Variants in ECPAS observed in about 807,000 individuals in gnomAD.
ECPAS encodes the protein proteasome adapter and scaffold protein ECM29.
ECPAS carries 70 observed loss-of-function variants against 255.1 expected under a neutral mutation model. That is an observed-to-expected ratio of 0.27 (90% CI 0.23 to 0.33). ECPAS has a LOEUF of 0.33. ECPAS is among the 10% of genes least tolerant of loss of function. ECPAS has a pLI of 1.00. For synonymous variants in ECPAS, 784 were observed against 775.0 expected (o/e 1.01, Z -0.19); for missense variants, 1,817 against 2,206.4 (o/e 0.82, Z 3.54).
chr9:111,433,348 T>C lies in ECPAS; in HGVS notation c.733A>G (p.Ile245Val), dbSNP rs764572554. 2.5e-5 allele frequency: 40 copies of C among 1,613,848 alleles called. No individual in the cohort carries two copies. Among genetic ancestry groups the C allele is most frequent in the Non-Finnish European group, 3.4e-5 (40 of 1,179,868 alleles). The change falls in exon 8 of 50, where the codon ATA (isoleucine) becomes GTA (valine). Residue 245 changes from isoleucine (I) to valine (V), a missense_variant. Ile to Val is a conservative substitution (Grantham distance 29). Around this residue, in one of 4 missense-constraint regions of ECPAS, gnomAD observed 573 missense variants for 716.2 expected, o/e 0.80. Coordinates refer to ENST00000684092, the MANE Select transcript of ECPAS (RefSeq NM_001364929.1). ...EQCKLGIVKF[I>V]EAEQVPELEA... ...AGTTCAGGCACCTGTTCAGCTTCTA[T>C]GAATTTCACGATTCCCAATTTGCAC...
At chr9:111,388,284 A>T (rs2131596437) in intron 31 of ECPAS, among the ~76,000 whole-genome samples, 1 of 150,940 alleles carries the variant, frequency 6.6e-6, no homozygotes, top group Non-Finnish European at 1.5e-5. Flanking sequence ...TTTCACTTAT[A>T]GAGATGACAC....
chr9:111,382,022 C>T (rs1183512110), intron 35 of ECPAS, among the ~76,000 whole-genome samples: 1 of 151,870 alleles, frequency 6.6e-6, no homozygotes, highest in Admixed American at 6.6e-5. Flanking sequence ...CACACACACA[C>T]ACACACACAC....
intron 32 of ECPAS, among the ~76,000 whole-genome samples, chr9:111,385,863 T>G (rs1222848623): frequency 1.3e-5 from 2 of 152,246 alleles, no homozygotes; most frequent in East Asian, 3.8e-4. Flanking sequence ...TTACATAAAC[T>G]ATGACAATTT....
At chr9:111,443,816 A>T (rs1589209264) in intron 4 of ECPAS, among the ~76,000 whole-genome samples, 1 of 152,152 alleles carries the variant, frequency 6.6e-6, no homozygotes, top group African/African-American at 2.4e-5. Context: ...AAAAAACATC[A>T]CCTGCCATCA....
At chr9:111,408,951 T>A (rs548257182) in intron 23 of ECPAS, among the ~76,000 whole-genome samples, 1 of 152,190 alleles carries the variant, frequency 6.6e-6, no homozygotes, top group Non-Finnish European at 1.5e-5. Context: ...ATTTAAAATG[T>A]GGGTTCTGGG....
At chr9:111,458,746 G>A (rs368351540) in intron 2 of ECPAS, among the ~76,000 whole-genome samples, 8 of 152,052 alleles carry the variant, frequency 5.3e-5, no homozygotes, top group Admixed American at 2.0e-4. Flanking sequence ...CAGGTGAGCC[G>A]GTGAGCTTCT....
chr9:111,383,515 A>T (rs916631573), intron 34 of ECPAS, among the ~76,000 whole-genome samples, 183 bp from the exon 35 acceptor site: 1 of 152,226 alleles, frequency 6.6e-6, no homozygotes, highest in Non-Finnish European at 1.5e-5. Context: ...CCAAGAACTA[A>T]ACAGAAAATT....
At chr9:111,422,348 G>A in intron 13 of ECPAS, 148 bp from the exon 14 acceptor site, 1 of 699,898 alleles carries the variant, frequency 1.4e-6, no homozygotes, top group South Asian at 1.9e-5. Flanking sequence ...ATTTTTCCAA[G>A]TATTTAATTC....
intron 48 of ECPAS, among the ~76,000 whole-genome samples, 159 bp from the exon 49 acceptor site, chr9:111,363,818 T>A (rs1361551420): frequency 6.6e-6 from 1 of 152,002 alleles, no homozygotes; most frequent in Admixed American, 6.6e-5. Flanking sequence ...TTGCTAAGTA[T>A]CAAATACTTG....
intron 23 of ECPAS, 60 bp downstream of exon 23, chr9:111,409,981 G>T: frequency 8.3e-7 from 1 of 1,208,802 alleles, no homozygotes; most frequent in Non-Finnish European, 1.2e-6. Context: ...ATCTGTTTTT[G>T]CTCATGTATG....
chr9:111,393,773 A>G (rs1187602836), intron 26 of ECPAS, 39 bp from the exon 27 acceptor site: 1 of 1,349,714 alleles, frequency 7.4e-7, no homozygotes, highest in East Asian at 2.3e-5. Context: ...CTGAAACTCT[A>G]CCTCTTTGAG....
chr9:111,460,511 G>A (rs1036349850), intron 2 of ECPAS, among the ~76,000 whole-genome samples: 4 of 151,872 alleles, frequency 2.6e-5, no homozygotes, highest in African/African-American at 7.3e-5. Flanking sequence ...AAAATAAAAT[G>A]CATTAAGATT....
At chr9:111,396,995 G>T (rs1254054028) in intron 25 of ECPAS, 35 bp downstream of exon 25, 1 of 1,612,930 alleles carries the variant, frequency 6.2e-7, no homozygotes, top group South Asian at 1.1e-5. Context: ...AAGGTTACTT[G>T]ATCATTATAA....
chr9:111,393,423 A>C (rs937009183), intron 27 of ECPAS, among the ~76,000 whole-genome samples: 1 of 152,238 alleles, frequency 6.6e-6, no homozygotes, highest in African/African-American at 2.4e-5. Flanking sequence ...GCTCCATTTT[A>C]AAATGCAGAG....
chr9:111,441,854 A>G (rs2098246434), intron 5 of ECPAS, among the ~76,000 whole-genome samples: 1 of 152,218 alleles, frequency 6.6e-6, no homozygotes. Flanking sequence ...TAGAACAAAG[A>G]ACTTTTGCCT....
At chr9:111,441,200 A>T (rs187548695) in intron 5 of ECPAS, among the ~76,000 whole-genome samples, 69 of 145,198 alleles carry the variant, frequency 4.8e-4, no homozygotes, top group African/African-American at 1.3e-3. Flanking sequence ...AATAAAAATT[A>T]AAAAAAAAAA....
At chr9:111,392,906 G>C in intron 27 of ECPAS, 24 bp from the exon 28 acceptor site, 1 of 1,543,852 alleles carries the variant, frequency 6.5e-7, no homozygotes, top group Non-Finnish European at 8.8e-7. Context: ...AGACAAGATT[G>C]TATCACTTTA....
chr9:111,412,115 C>A lies in ECPAS; in HGVS notation c.2113G>T (p.Glu705Ter). The A allele has an allele frequency of 6.3e-7, 1 of 1,590,126 alleles. No homozygotes were observed. Among genetic ancestry groups the A allele is most frequent in the South Asian group, 1.2e-5 (1 of 85,438 alleles). The change falls in exon 21 of 50, where the codon GAA (glutamate) becomes TAA (stop). Residue 705 changes from glutamate (E) to a stop codon, truncating the protein, a stop_gained. Coordinates refer to ENST00000684092, the MANE Select transcript of ECPAS (RefSeq NM_001364929.1). LOFTEE classifies it high-confidence loss of function. ...LMNNSKEEMR[E>*]LAALFYSVVV... ...ACAGAATAAAACAACGCTGCCAGTT[C>A]GCGCATTTCTTCTTTACTGTTATTC... is the stretch of plus-strand genomic sequence containing the variant.
At chr9:111,455,810 G>A (rs956128647) in intron 2 of ECPAS, among the ~76,000 whole-genome samples, 1 of 152,168 alleles carries the variant, frequency 6.6e-6, no homozygotes, top group Admixed American at 6.5e-5. Flanking sequence ...AGTATGTGCT[G>A]TGTGACTCCA....
Sources: gnomAD v4.1 joint callset for allele counts (sites outside exome capture counted in the v4.1 genomes callset) on GRCh38, gnomAD v4.1.1 for gene constraint, gnomAD v4.1.1 regional missense constraint, MANE v1.5 for transcripts, NCBI Gene and HGNC (gene_info 2026-07-23, HGNC 2026-07-21) for gene names.